IPCEF1: variants seen among roughly 807,000 people sequenced by gnomAD.
IPCEF1 encodes interaction protein for cytohesin exchange factors 1.
IPCEF1 carries 31 observed loss-of-function variants against 50.9 expected under a neutral mutation model. The observed-to-expected ratio is 0.61, with a 90% CI of 0.46 to 0.82. The LOEUF is 0.82. IPCEF1 is among the 40% of genes least tolerant of loss of function. The pLI, the probability that IPCEF1 is intolerant of heterozygous loss-of-function variation, is 0.00. For synonymous variants in IPCEF1, 181 were observed against 192.0 expected, an observed-to-expected ratio of 0.94 and a Z score of 0.47; for missense variants, 458 against 514.0, an observed-to-expected ratio of 0.89 and a Z score of 1.05.
chr6:154,295,752 T>C (rs75306801), intron 1 of IPCEF1, among the ~76,000 whole-genome samples: 1,697 of 152,278 alleles, frequency 0.011, 33 homozygotes, highest in African/African-American at 0.038. Context: ...AAATTTAGCC[T>C]CTCTTGCCCA....
At chr6:154,163,560 CG>C (rs1272834402) in intron 11 of IPCEF1, among the ~76,000 whole-genome samples, 1 of 152,128 alleles carries the variant, frequency 6.6e-6, no homozygotes, top group Admixed American at 6.5e-5. Context: ...CATAAGCTTC[CG>C]GAAGGCAGGC....
intron 2 of IPCEF1, among the ~76,000 whole-genome samples, chr6:154,278,196 T>C (rs1471452696): frequency 1.3e-5 from 2 of 152,254 alleles, no homozygotes; most frequent in Non-Finnish European, 1.5e-5. Flanking sequence ...TGATTTTTAA[T>C]TTAACAGATA....
chr6:154,334,312 A>G (rs368858708), intron 1 of IPCEF1, among the ~76,000 whole-genome samples: 3 of 152,260 alleles, frequency 2.0e-5, no homozygotes, highest in Admixed American at 1.3e-4. Context: ...TATCACTAAC[A>G]AGATGGACAC....
intron 9 of IPCEF1, among the ~76,000 whole-genome samples, chr6:154,207,245 A>G (rs751767368): frequency 5.9e-5 from 9 of 152,246 alleles, no homozygotes; most frequent in Non-Finnish European, 1.2e-4. Flanking sequence ...GAGCTGTTAA[A>G]GCCAGAGGCA....
At chr6:154,319,320 T>C (rs1783313173) in intron 1 of IPCEF1, among the ~76,000 whole-genome samples, 1 of 152,238 alleles carries the variant, frequency 6.6e-6, no homozygotes, top group Non-Finnish European at 1.5e-5. Flanking sequence ...ATAGTTCTCA[T>C]GTGACTGTTT....
At chr6:154,298,106 T>C (rs1185973693) in intron 1 of IPCEF1, among the ~76,000 whole-genome samples, 1 of 152,222 alleles carries the variant, frequency 6.6e-6, no homozygotes, top group Non-Finnish European at 1.5e-5. Flanking sequence ...GGTAGGGTTA[T>C]CCAAAATAGT....
chr6:154,277,928 A>C (rs899425530), intron 2 of IPCEF1, among the ~76,000 whole-genome samples: 1 of 151,438 alleles, frequency 6.6e-6, no homozygotes. Context: ...TCATCTTTAC[A>C]TGCTCACTTT....
In IPCEF1 at chr6:154,222,145, AGGG is replaced by A. The variant is rs775786153; in HGVS notation, c.321-820_321-818del. On this transcript the variant is annotated intron_variant, in intron 6 of 11. Transcript: ENST00000367220. ...TATTCAAGGCACCCTTTGTTAGTAA[AGGG>A]AAATATGAAATAGATTTTAATATAA... Among the ~76,000 whole-genome samples, 18 of 152,352 alleles carry A rather than the reference AGGG, an allele frequency of 1.2e-4. No homozygotes were observed. In the South Asian group the frequency reaches 3.7e-3, roughly 32 times the overall value.
Position 154,319,743 on chromosome 6 carries a change from C to G in IPCEF1, c.-61-29987G>C, listed in dbSNP as rs115715838. ...GCAAGTGGCTCCGGGTGTGATACTT[C>G]AAGATTAGCAAGATCGTGTTTGAAT... On this transcript the variant is annotated intron_variant, in intron 1 of 11. Transcript: ENST00000367220. Among the ~76,000 whole-genome samples the G allele has an allele frequency of 2.9e-3, 443 of 152,308 alleles. 1 individual carries two copies. The highest frequency in any genetic ancestry group is 9.3e-3 in the African/African-American group (385 of 41,562).
rs1780304995 is a variant in IPCEF1 at position 154,238,354 on chromosome 6, C to T, written c.246+8237G>A. On this transcript the variant is annotated intron_variant, in intron 5 of 11. Transcript: ENST00000367220. ...CACTGCAACCTCTGCCTCCCAGGTT[C>T]AAGCGATTCTCCTGCCTCACTCTCC... Among the ~76,000 whole-genome samples, 3 of 152,134 alleles carry T rather than the reference C, an allele frequency of 2.0e-5. No homozygotes were observed. The South Asian group carries it at 6.2e-4, about 32-fold the overall frequency.
chr6:154,259,198 A>G (rs1399629888), intron 3 of IPCEF1, among the ~76,000 whole-genome samples: 1 of 152,254 alleles, frequency 6.6e-6, no homozygotes, highest in Admixed American at 6.5e-5. Context: ...TTGAATTCAC[A>G]GGAAGAGTTG....
intron 1 of IPCEF1, among the ~76,000 whole-genome samples, chr6:154,290,893 C>CTTTTTTTTTTTTTTTTTTT (rs3045866): frequency 7.9e-6 from 1 of 127,296 alleles, no homozygotes; most frequent in African/African-American, 3.2e-5. Flanking sequence ...AATATATTGC[C>CTTTTTTTTTTTTTTTTTTT]TTTTTTTTTT....
At chr6:154,232,414 G>A (rs1192615380) in intron 5 of IPCEF1, among the ~76,000 whole-genome samples, 1 of 152,188 alleles carries the variant, frequency 6.6e-6, no homozygotes, top group Admixed American at 6.5e-5. Flanking sequence ...TGCCAGTGAG[G>A]TAGTACTATG....
intron 10 of IPCEF1, among the ~76,000 whole-genome samples, chr6:154,195,427 G>A (rs1300195488): frequency 6.6e-6 from 1 of 152,108 alleles, no homozygotes; most frequent in African/African-American, 2.4e-5. Flanking sequence ...GATTACAGGT[G>A]TGAGCCACCG....
chr6:154,241,549 T>C (rs1276892964), intron 5 of IPCEF1, among the ~76,000 whole-genome samples: 1 of 152,168 alleles, frequency 6.6e-6, no homozygotes, highest in Admixed American at 6.5e-5. Context: ...CTTGGAATCA[T>C]GCTTATTTTA....
intron 5 of IPCEF1, among the ~76,000 whole-genome samples, chr6:154,235,008 C>T (rs1185609913): frequency 6.6e-6 from 1 of 152,156 alleles, no homozygotes; most frequent in African/African-American, 2.4e-5. Flanking sequence ...GGGCTGGTCT[C>T]TGCACCAGCA....
chr6:154,294,557 T>C (rs1267484805), intron 1 of IPCEF1, among the ~76,000 whole-genome samples: 4 of 152,200 alleles, frequency 2.6e-5, no homozygotes, highest in Non-Finnish European at 4.4e-5. Flanking sequence ...GTGTGCACTG[T>C]GGTGCAGCCA....
At chr6:154,211,457 A>G (rs993558714) in intron 9 of IPCEF1, among the ~76,000 whole-genome samples, 11 of 152,126 alleles carry the variant, frequency 7.2e-5, no homozygotes, top group African/African-American at 2.7e-4. Flanking sequence ...TATAAAGCTA[A>G]ACAGACTGGG....
intron 9 of IPCEF1, among the ~76,000 whole-genome samples, chr6:154,211,942 G>C (rs1777995473): frequency 6.6e-6 from 1 of 152,194 alleles, no homozygotes; most frequent in African/African-American, 2.4e-5. Flanking sequence ...TCACAAAAGA[G>C]AAAGTTCTAA....
Sources: gnomAD v4.1 joint callset for allele counts (sites outside exome capture counted in the v4.1 genomes callset) on GRCh38, gnomAD v4.1.1 for gene constraint, MANE v1.5 for transcripts, NCBI Gene and HGNC (gene_info 2026-07-23, HGNC 2026-07-21) for gene names.